The following CROCC variants were observed in gnomAD, a reference collection of about 807,000 sequenced individuals.
CROCC encodes the protein ciliary rootlet coiled-coil, rootletin.
Under a neutral mutation model 245.2 loss-of-function variants are expected in CROCC, and 180 were observed. The observed-to-expected ratio is 0.73, with a 90% CI of 0.65 to 0.83. The LOEUF is 0.83. Among genes scored for constraint, CROCC ranks in the 40% least tolerant of loss-of-function variants. The pLI is 0.00. For synonymous variants in CROCC, 1,205 were observed against 1,241.6 expected (o/e 0.97, Z 0.62); for missense variants, 2,688 against 2,779.4 (o/e 0.97, Z 0.74).
chr1:16,956,027 G>A lies in CROCC; in HGVS notation c.3735G>A (p.Gln1245=), dbSNP rs2076245302. The A allele has an allele frequency of 6.4e-7, 1 of 1,550,916 alleles. No individual in the cohort carries two copies. Among genetic ancestry groups the A allele is most frequent in the African/African-American group, 1.4e-5 (1 of 73,062 alleles). ...AGCTTGCCAATGAGGACAAGGAGCA[G>A]AAGCTGGCACTCCTAGAGGAGGCAC... ...SLKLANEDKE[Q]KLALLEEART... is the part of the protein sequence containing the mutation. The change falls in exon 25 of 37, where the codon CAG becomes CAA. Residue 1245 remains glutamine, a synonymous_variant. Transcript: ENST00000375541.
At chr1:16,933,855 G>A (rs559643060) in intron 8 of CROCC, among the ~76,000 whole-genome samples, 5 of 152,408 alleles carry the variant, frequency 3.3e-5, no homozygotes, top group Non-Finnish European at 7.3e-5. Flanking sequence ...CACTGTGCCC[G>A]GCCCCTGCTT....
chr1:16,966,690 G>A lies in CROCC; in HGVS notation c.4860+119G>A. 1.7e-6 allele frequency: 2 copies of A among 1,189,086 alleles called. No individual in the cohort carries two copies. The highest frequency in any genetic ancestry group is 2.3e-6 in the Non-Finnish European group (2 of 888,782). 73.7% of individuals were successfully genotyped at this position (1,189,086 alleles called of 1,614,324 possible). A position where few individuals can be genotyped will look rare whatever the true frequency, so the allele number is the denominator to read the frequency against. On this transcript the variant is annotated intron_variant, in intron 30 of 36. Transcript: ENST00000375541. This position sits in a 1 kb window ranked among gnomAD's most constrained non-coding sequence, Gnocchi z 4.8. ...CTGAGTCTCTCTGCAACCCACTGAG[G>A]TGACCAGCCTGTGACTCTGTGAAAC...
At chr1:16,953,826 G>T (rs545645055) in intron 21 of CROCC, 30 of 235,966 alleles carry the variant, frequency 1.3e-4, no homozygotes, top group Non-Finnish European at 2.0e-4. Flanking sequence ...ATCAGCTGAC[G>T]TGTCCCCCCA....
chr1:16,968,441 G>A, intron 31 of CROCC, 23 bp downstream of exon 31: 1 of 1,461,562 alleles, frequency 6.8e-7, no homozygotes, highest in Non-Finnish European at 9.0e-7. Flanking sequence ...CCAAATCACA[G>A]CCACAGTGTT....
At chr1:16,964,133 C>G (rs1389319677) in intron 27 of CROCC, among the ~76,000 whole-genome samples, 1 of 138,640 alleles carries the variant, frequency 7.2e-6, no homozygotes, top group Non-Finnish European at 1.6e-5. Flanking sequence ...TTTCTTTTTT[C>G]TTTATTTTTT....
At chr1:16,947,689 A>G (rs1426901789) in intron 17 of CROCC, among the ~76,000 whole-genome samples, 1 of 152,212 alleles carries the variant, frequency 6.6e-6, no homozygotes, top group Non-Finnish European at 1.5e-5. Flanking sequence ...AGCAGGGTGC[A>G]GGTCTCCACC....
intron 36 of CROCC, among the ~76,000 whole-genome samples, chr1:16,972,020 C>G (rs1430389363): frequency 6.6e-6 from 1 of 152,228 alleles, no homozygotes; most frequent in Non-Finnish European, 1.5e-5. Context: ...CCCTTCCTGA[C>G]CATGCCTGAG....
chr1:16,932,011 C>T (rs2075688523), intron 8 of CROCC, among the ~76,000 whole-genome samples: 1 of 152,180 alleles, frequency 6.6e-6, no homozygotes, highest in African/African-American at 2.4e-5. Flanking sequence ...AAGCAATCAG[C>T]CAGCCTCAGC....
intron 27 of CROCC, among the ~76,000 whole-genome samples, chr1:16,962,639 G>A (rs542928244): frequency 3.3e-5 from 5 of 150,346 alleles, no homozygotes; most frequent in Non-Finnish European, 5.9e-5. Flanking sequence ...CTCCCAAAGT[G>A]CTGGGATTAA....
At position 16,934,892 on chromosome 1, in the gene CROCC, C is replaced by CT. The variant is rs556637657; in HGVS notation, c.957-1727dup. Among the ~76,000 whole-genome samples the CT allele has an allele frequency of 5.3e-3, 678 of 128,496 alleles. 5 individuals are homozygous for CT. The highest frequency in any genetic ancestry group is 7.0e-3 in the East Asian group (32 of 4,554). 84.3% of individuals were successfully genotyped at this position (128,496 alleles called of 152,430 possible). A position where few individuals can be genotyped will look rare whatever the true frequency, so the allele number is the denominator to read the frequency against. ...CCATGAGAAGCATTATCAGCAGTTTCTTTTTTTTTTTTTTTTTTCTTTTTT... is the reference window on the plus strand; with the variant it reads ...CCATGAGAAGCATTATCAGCAGTTTCTTTTTTTTTTTTTTTTTTTCTTTTTT... On this transcript the variant is annotated intron_variant, in intron 8 of 36. Transcript: ENST00000375541.
intron 8 of CROCC, among the ~76,000 whole-genome samples, chr1:16,933,687 C>T (rs2075729050): frequency 1.3e-5 from 2 of 152,248 alleles, no homozygotes; most frequent in Admixed American, 6.5e-5. Context: ...GGCTTCAGCC[C>T]CCTGCGTAGC....
chr1:16,946,997 C>T lies in CROCC; in HGVS notation c.2514+6C>T, dbSNP rs12406385. ...TGCAGGAGCAGCTAGCGCAGGTGGGCAAAGCTGTGTGTGGGGGTGGTGTGG... is the reference window on the plus strand; with the variant it reads ...TGCAGGAGCAGCTAGCGCAGGTGGGTAAAGCTGTGTGTGGGGGTGGTGTGG... On this transcript the variant is annotated splice_donor_region_variant and intron_variant, in intron 17 of 36. Coordinates refer to ENST00000375541, the MANE Select transcript of CROCC (RefSeq NM_014675.5). 3,209 of 1,548,044 alleles carry T rather than the reference C, an allele frequency of 2.1e-3. 101 individuals carry two copies. The Admixed American group carries it at 0.059, about 29-fold the overall frequency.
intron 27 of CROCC, 104 bp from the exon 28 acceptor site, chr1:16,965,619 G>A: frequency 1.2e-6 from 1 of 862,602 alleles, no homozygotes; most frequent in East Asian, 2.4e-5. Context: ...GAGAAGTTGG[G>A]CTTGATTCTG....
At chr1:16,930,228 G>C in intron 5 of CROCC, 21 bp downstream of exon 5, 5 of 1,587,072 alleles carry the variant, frequency 3.2e-6, no homozygotes, top group Non-Finnish European at 4.3e-6. Flanking sequence ...GTGTGGGGCA[G>C]GGGCAGGCCC....
intron 11 of CROCC, among the ~76,000 whole-genome samples, chr1:16,938,702 A>C (rs1164205754): frequency 5.3e-5 from 8 of 152,290 alleles, no homozygotes; most frequent in Non-Finnish European, 1.2e-4. Context: ...CCTGTGAGCA[A>C]GGCCAAATGA....
chr1:16,948,474 G>C lies in CROCC; in HGVS notation c.2658G>C (p.Val886=), dbSNP rs1352464493. The change falls in exon 18 of 37, where the codon GTG becomes GTC. Residue 886 remains valine, a synonymous_variant. Transcript: ENST00000375541. The part of the protein sequence containing the change: ...KEHAGLAVQL[V]AAEREGRTLS... ...ACGCTGGCCTGGCTGTGCAGCTGGT[G>C]GCTGCGGAGCGTGAAGGCAGGACCC... The C allele has an allele frequency of 6.4e-7, 1 of 1,556,684 alleles. No homozygotes were observed. The highest frequency in any genetic ancestry group is 1.9e-5 in the Admixed American group (1 of 51,886).
At chr1:16,914,597 G>T (rs1490691728) in intron 1 of CROCC, among the ~76,000 whole-genome samples, 1 of 152,282 alleles carries the variant, frequency 6.6e-6, no homozygotes, top group Non-Finnish European at 1.5e-5. Flanking sequence ...TGCGGATGGG[G>T]AAACTGAGGC....
Position 16,969,194 on chromosome 1 carries a change from G to A in CROCC, c.5155G>A (p.Glu1719Lys), listed in dbSNP as rs1217217124. The change falls in exon 32 of 37, where the codon GAA becomes AAA. Residue 1719 changes from glutamate to lysine, a missense_variant. Physicochemically the swap from Glu to Lys is moderately conservative, Grantham distance 56. Around this residue, in one of 9 missense-constraint regions of CROCC, gnomAD observed 1,218 missense variants for 1,286.3 expected, o/e 0.95. Coordinates refer to ENST00000375541, the MANE Select transcript of CROCC (RefSeq NM_014675.5). ...GAATGGGGCCCTGGCTAAGGTGGAG[G>A]AAAGCGAGGGGGCCCTGCGGGACAA... is the stretch of plus-strand genomic sequence containing the variant. ...RLNGALAKVEESEGALRDKVR... is the reference protein window; with the variant it reads ...RLNGALAKVEKSEGALRDKVR... 14 of 1,610,244 alleles carry A rather than the reference G, an allele frequency of 8.7e-6. No homozygotes were observed. The highest frequency in any genetic ancestry group is 1.1e-5 in the Non-Finnish European group (13 of 1,177,652).
intron 26 of CROCC, among the ~76,000 whole-genome samples, chr1:16,959,232 C>T (rs1334630056): frequency 6.6e-6 from 1 of 152,176 alleles, no homozygotes; most frequent in Non-Finnish European, 1.5e-5. Context: ...CCATGTTGGT[C>T]AGGCTTGTCT....
Sources: gnomAD v4.1 joint callset for allele counts (sites outside exome capture counted in the v4.1 genomes callset) on GRCh38, gnomAD v4.1.1 for gene constraint, gnomAD v4.1.1 regional missense constraint, Gnocchi (gnomAD v3.1) non-coding constraint, MANE v1.5 for transcripts, NCBI Gene and HGNC (gene_info 2026-07-23, HGNC 2026-07-21) for gene names.